SYCP2: variants seen among roughly 807,000 people sequenced by gnomAD.
The protein encoded by SYCP2 is synaptonemal complex lateral element protein.
In SYCP2, 55 loss-of-function variants were observed where a neutral mutation model predicts 211.3. The ratio of observed to expected loss-of-function variants is 0.26; its 90% confidence interval spans 0.21 to 0.33. SYCP2 has a LOEUF of 0.33. Among genes scored for constraint, SYCP2 ranks in the 10% least tolerant of loss-of-function variants. SYCP2 has a pLI of 1.00. For synonymous variants in SYCP2, 570 were observed against 555.2 expected (o/e 1.03, Z -0.37); for missense variants, 1,731 against 1,752.0 (o/e 0.99, Z 0.21).
chr20:59,877,540 T>C lies in SYCP2; in HGVS notation c.2995A>G (p.Ile999Val), dbSNP rs757849059. Residue 999 changes from isoleucine to valine, a missense_variant, in exon 33 of 45, where the codon ATC becomes GTC. Ile to Val is a conservative substitution (Grantham distance 29). Transcript: ENST00000357552. ...PSSKMTPSKN[I>V]TKKMDKTIPE... ...ATTGTCTTGTCCATCTTTTTTGTGA[T>C]ATTTTTACTGGGTGTCTTTAGGAGA... 1.9e-6 allele frequency: 3 copies of C among 1,592,262 alleles called. 1 individual carries two copies. The highest frequency in any genetic ancestry group is 2.3e-5 in the South Asian group (2 of 85,132).
intron 7 of SYCP2, among the ~76,000 whole-genome samples, chr20:59,917,360 G>A (rs1433956671): frequency 1.3e-5 from 2 of 152,144 alleles, no homozygotes; most frequent in Non-Finnish European, 2.9e-5. Flanking sequence ...TCAGAGGAAT[G>A]TGTACATGCT....
intron 7 of SYCP2, among the ~76,000 whole-genome samples, chr20:59,917,762 C>G (rs1411889350): frequency 6.6e-6 from 1 of 152,132 alleles, no homozygotes; most frequent in Non-Finnish European, 1.5e-5. Flanking sequence ...TAAGTTGGAT[C>G]TGATTGCTTG....
chr20:59,902,233 T>C (rs933382830), intron 15 of SYCP2, among the ~76,000 whole-genome samples: 50 of 152,268 alleles, frequency 3.3e-4, no homozygotes, highest in African/African-American at 1.1e-3. Flanking sequence ...ACAGTTGTTA[T>C]AACATGCTGA....
intron 5 of SYCP2, 66 bp downstream of exon 5, chr20:59,920,290 TTTC>T (rs1408879340): frequency 7.4e-7 from 1 of 1,348,248 alleles, no homozygotes; most frequent in Non-Finnish European, 1.0e-6. Flanking sequence ...ATTTGGATAA[TTTC>T]TTACTAGAAA....
At chr20:59,885,429 C>T (rs779939474) in intron 26 of SYCP2, among the ~76,000 whole-genome samples, 5 of 151,940 alleles carry the variant, frequency 3.3e-5, no homozygotes, top group African/African-American at 9.7e-5. Context: ...GAGTTGGCCT[C>T]GACAGGGGAG....
chr20:59,886,363 A>G (rs571642892), intron 25 of SYCP2, among the ~76,000 whole-genome samples: 12 of 152,210 alleles, frequency 7.9e-5, no homozygotes, highest in Non-Finnish European at 1.2e-4. Context: ...ATATCTGGTT[A>G]AATTCTGTAT....
At chr20:59,925,671 T>C (rs1275966273) in intron 2 of SYCP2, among the ~76,000 whole-genome samples, 1 of 152,060 alleles carries the variant, frequency 6.6e-6, no homozygotes, top group African/African-American at 2.4e-5. Flanking sequence ...GCCTCACTTG[T>C]TAACGTATTG....
chr20:59,916,668 G>A, intron 7 of SYCP2, 97 bp from the exon 8 acceptor site: 1 of 783,598 alleles, frequency 1.3e-6, no homozygotes, highest in Non-Finnish European at 2.2e-6. Flanking sequence ...GGCCAGGCAT[G>A]GTAACTCAGG....
chr20:59,881,676 T>C (rs2059684663), intron 28 of SYCP2, among the ~76,000 whole-genome samples, 184 bp from the exon 29 acceptor site: 1 of 151,062 alleles, frequency 6.6e-6, no homozygotes, highest in Non-Finnish European at 1.5e-5. Context: ...GTTTTTTTTT[T>C]CATCAATAAG....
chr20:59,889,355 T>TA (rs1439749284), intron 24 of SYCP2, among the ~76,000 whole-genome samples: 1 of 152,038 alleles, frequency 6.6e-6, no homozygotes, highest in African/African-American at 2.4e-5. Flanking sequence ...GTATACTTTC[T>TA]ACTCATTTTT....
Position 59,915,671 on chromosome 20 carries a change from G to C in SYCP2, c.514-121C>G. 3.0e-6 allele frequency: 2 copies of C among 668,950 alleles called. 1 individual carries two copies. Among genetic ancestry groups the C allele is most frequent in the Admixed American group, 5.0e-5 (2 of 39,616 alleles). 41.4% of individuals were successfully genotyped at this position (668,950 alleles called of 1,614,324 possible). On this transcript the variant is annotated intron_variant, in intron 8 of 44. Transcript: ENST00000357552. ...TTCTTAATCACTGAGTTTTATTATG[G>C]GAATGGAGTAGGATGGAGGAAAGAA...
intron 35 of SYCP2, among the ~76,000 whole-genome samples, chr20:59,873,496 C>T (rs982451005): frequency 2.0e-5 from 3 of 152,086 alleles, no homozygotes; most frequent in South Asian, 2.1e-4. Flanking sequence ...TTCAGAATTA[C>T]ACACAATGTA....
Position 59,922,425 on chromosome 20 carries a change from T to TA in SYCP2, c.-13_-12insT. ...GGTCTTATTGGCATTTTGACTTCAT[T>TA]TAAAAAAAAAAAAAAAGCAAGACAA... On this transcript the variant is annotated 5_prime_UTR_variant, in exon 3 of 45. Coordinates refer to ENST00000357552, the MANE Select transcript of SYCP2 (RefSeq NM_014258.4). The TA allele has an allele frequency of 1.9e-6, 3 of 1,550,298 alleles. No homozygotes were observed. The highest frequency in any genetic ancestry group is 1.7e-6 in the Non-Finnish European group (2 of 1,152,368).
chr20:59,885,622 A>G (rs1271992283), intron 26 of SYCP2, among the ~76,000 whole-genome samples: 1 of 152,086 alleles, frequency 6.6e-6, no homozygotes, highest in African/African-American at 2.4e-5. Flanking sequence ...GAGAAATGGG[A>G]TTGGCTATTA....
intron 12 of SYCP2, among the ~76,000 whole-genome samples, chr20:59,913,475 AAAG>A (rs2060370669): frequency 6.6e-6 from 1 of 152,210 alleles, no homozygotes; most frequent in South Asian, 2.1e-4. Flanking sequence ...GTTATAAAAA[AAAG>A]ATTAAAATTT....
chr20:59,880,637 A>G (rs1317466482), intron 30 of SYCP2, among the ~76,000 whole-genome samples, 166 bp from the exon 31 acceptor site: 2 of 151,846 alleles, frequency 1.3e-5, no homozygotes, highest in Admixed American at 6.6e-5. Flanking sequence ...TTAATAACCT[A>G]TCCAAGAAAG....
In SYCP2 at chr20:59,875,409, A is replaced by C. The variant is rs1600823091; in HGVS notation, c.3211T>G (p.Phe1071Val). 1 of 1,613,042 alleles carries C rather than the reference A, an allele frequency of 6.2e-7. No individual in the cohort carries two copies. Among genetic ancestry groups the C allele is most frequent in the Non-Finnish European group, 8.5e-7 (1 of 1,179,476 alleles). ...VKLPKKQQKV[F>V]CAETEKELSK... ...AGTTCCTTTTCTGTTTCAGCACAGA[A>C]GACTTTCTGTTGTTTCTTTGGTAGC... is the stretch of plus-strand genomic sequence containing the variant. The change falls in exon 34 of 45, where the codon TTC becomes GTC. Residue 1071 changes from phenylalanine to valine, a missense_variant. Phe to Val is a conservative substitution (Grantham distance 50, BLOSUM62 -1). Around this residue, in one of 3 missense-constraint regions of SYCP2, gnomAD observed 1,387 missense variants for 1,351.3 expected, o/e 1.03. Coordinates refer to ENST00000357552, the MANE Select transcript of SYCP2 (RefSeq NM_014258.4).
chr20:59,909,802 TAAAC>T (rs143772825), intron 14 of SYCP2, among the ~76,000 whole-genome samples: 2 of 152,220 alleles, frequency 1.3e-5, no homozygotes, highest in Non-Finnish European at 2.9e-5. Flanking sequence ...AAACAACAAA[TAAAC>T]AAAATGATTT....
intron 18 of SYCP2, among the ~76,000 whole-genome samples, chr20:59,898,275 T>C (rs1370282679): frequency 6.6e-6 from 1 of 152,206 alleles, no homozygotes; most frequent in East Asian, 1.9e-4. Context: ...CACAGGTATG[T>C]TTATTGCAGC....
Sources: gnomAD v4.1 joint callset for allele counts (sites outside exome capture counted in the v4.1 genomes callset) on GRCh38, gnomAD v4.1.1 for gene constraint, gnomAD v4.1.1 regional missense constraint, MANE v1.5 for transcripts, NCBI Gene and HGNC (gene_info 2026-07-23, HGNC 2026-07-21) for gene names.